The following GDPD1 variants were observed in gnomAD, a reference collection of about 807,000 sequenced individuals.
GDPD1 encodes glycerophosphodiester phosphodiesterase domain containing 1.
Under a neutral mutation model 45.1 loss-of-function variants are expected in GDPD1, and 28 were observed. The ratio of observed to expected loss-of-function variants is 0.62; its 90% confidence interval spans 0.46 to 0.85. The LOEUF (loss-of-function observed/expected upper bound fraction) is 0.85, where lower values mean the gene tolerates loss of function less well. Ranked by LOEUF, GDPD1 falls within the 40% of genes least tolerant of loss-of-function variation. The pLI is 0.00. For synonymous variants in GDPD1, 139 were observed against 131.4 expected (o/e 1.06, Z -0.40); for missense variants, 256 against 364.8 (o/e 0.70, Z 2.43).
intron 1 of GDPD1, among the ~76,000 whole-genome samples, chr17:59,230,036 AG>A (rs2047077038): frequency 6.6e-6 from 1 of 152,196 alleles, no homozygotes; most frequent in South Asian, 2.1e-4. Context: ...AAAGGACCAC[AG>A]ATACCCCTAT....
At chr17:59,255,826 T>TAC (rs1259604908) in intron 4 of GDPD1, among the ~76,000 whole-genome samples, 1 of 66,178 alleles carries the variant, frequency 1.5e-5, no homozygotes, top group African/African-American at 1.0e-4. Flanking sequence ...TATATATATA[T>TAC]ACGCGTATAT....
chr17:59,236,094 A>G (rs60921221), intron 2 of GDPD1, among the ~76,000 whole-genome samples: 3,984 of 152,220 alleles, frequency 0.026, 195 homozygotes, highest in African/African-American at 0.089. Context: ...TGCTTAAGGT[A>G]CATTATTTTA....
Position 59,267,185 on chromosome 17 carries a change from A to T in GDPD1, c.710+11A>T. Reference sequence around the variant, plus strand: ...TTCTATTATACTGAAGTAAGTGGTTACCCTTTTATTTTAAAATCAATTATC... The same window carrying T: ...TTCTATTATACTGAAGTAAGTGGTTTCCCTTTTATTTTAAAATCAATTATC... On this transcript the variant is annotated intron_variant, in intron 7 of 9. Coordinates refer to ENST00000284116, the MANE Select transcript of GDPD1 (RefSeq NM_182569.4). 6.2e-7 allele frequency: 1 copy of T among 1,603,038 alleles called. No homozygotes were observed.
At chr17:59,265,901 CAAAAA>C (rs60404339) in intron 6 of GDPD1, among the ~76,000 whole-genome samples, 1 of 80,376 alleles carries the variant, frequency 1.2e-5, no homozygotes, top group Admixed American at 1.4e-4. Flanking sequence ...GACCTTATCT[CAAAAA>C]AAAAAAAAAA....
chr17:59,226,420 A>G (rs2047047753), intron 1 of GDPD1, among the ~76,000 whole-genome samples: 1 of 151,998 alleles, frequency 6.6e-6, no homozygotes, highest in South Asian at 2.1e-4. Flanking sequence ...AACCAAGTGA[A>G]CCTAAAATCA....
chr17:59,226,114 CTT>C (rs1286198844), intron 1 of GDPD1, among the ~76,000 whole-genome samples: 4 of 152,292 alleles, frequency 2.6e-5, no homozygotes, highest in South Asian at 4.1e-4. Context: ...GTGAGAGGTC[CTT>C]CAAGCTGGCT....
At chr17:59,264,145 C>T (rs749303688) in intron 6 of GDPD1, among the ~76,000 whole-genome samples, 3 of 151,874 alleles carry the variant, frequency 2.0e-5, no homozygotes, top group Non-Finnish European at 2.9e-5. Flanking sequence ...ATTACAGGCA[C>T]ACGTCACCAT....
Position 59,222,505 on chromosome 17 carries a change from CTTTTTT to C in GDPD1, c.142+1775_142+1780del, listed in dbSNP as rs149536097. 1.3e-3 allele frequency among the ~76,000 whole-genome samples: 56 copies of C among 41,734 alleles called. 1 individual carries two copies. Among genetic ancestry groups the C allele is most frequent in the Non-Finnish European group, 2.0e-3 (43 of 21,762 alleles). 27.4% of individuals were successfully genotyped at this position (41,734 alleles called of 152,430 possible). On this transcript the variant is annotated intron_variant, in intron 1 of 9. Coordinates refer to ENST00000284116, the MANE Select transcript of GDPD1 (RefSeq NM_182569.4). ...ACAGGCGTGAGCCACAGTGCCCAGC[CTTTTTT>C]TTTTTTTTTTTTTTTTTTTTGAGAC...
chr17:59,253,152 T>C (rs1477393596), intron 4 of GDPD1, among the ~76,000 whole-genome samples: 1 of 152,094 alleles, frequency 6.6e-6, no homozygotes, highest in Non-Finnish European at 1.5e-5. Flanking sequence ...ATTTAAATAG[T>C]GGCCCCTAAC....
chr17:59,270,735 A>AT (rs528478602), intron 7 of GDPD1, among the ~76,000 whole-genome samples: 148 of 152,146 alleles, frequency 9.7e-4, no homozygotes, highest in African/African-American at 3.4e-3. Flanking sequence ...TTACTTTTGA[A>AT]TAGGGATGGC....
intron 6 of GDPD1, among the ~76,000 whole-genome samples, chr17:59,262,730 C>T (rs1242708943): frequency 2.7e-5 from 4 of 150,898 alleles, no homozygotes; most frequent in African/African-American, 4.9e-5. Context: ...CGGGTTCAAG[C>T]GATTTTCCCG....
chr17:59,261,981 G>A (rs923689090), intron 6 of GDPD1, among the ~76,000 whole-genome samples: 2 of 139,234 alleles, frequency 1.4e-5, no homozygotes, highest in African/African-American at 2.8e-5. Context: ...GCAGTGGCGG[G>A]ATCTCGGCTC....
chr17:59,259,135 A>T (rs958520109), intron 6 of GDPD1, among the ~76,000 whole-genome samples: 5 of 142,702 alleles, frequency 3.5e-5, no homozygotes, highest in Non-Finnish European at 7.7e-5. Flanking sequence ...TAACTCTATT[A>T]AAAAAAAAAA....
intron 6 of GDPD1, among the ~76,000 whole-genome samples, chr17:59,262,775 C>G (rs2047367778): frequency 6.6e-6 from 1 of 151,854 alleles, no homozygotes; most frequent in African/African-American, 2.4e-5. Flanking sequence ...TTACAGGCGC[C>G]CGCCACTAAG....
chr17:59,260,466 CA>C (rs2047347151), intron 6 of GDPD1, among the ~76,000 whole-genome samples: 1 of 151,612 alleles, frequency 6.6e-6, no homozygotes, highest in African/African-American at 2.4e-5. Context: ...GGCTTGAACC[CA>C]GGAGGCAGAG....
chr17:59,243,806 A>G (rs2047192185), intron 2 of GDPD1, among the ~76,000 whole-genome samples: 1 of 152,250 alleles, frequency 6.6e-6, no homozygotes, highest in South Asian at 2.1e-4. Context: ...GTTGGAATTA[A>G]TTAAAATTTA....
intron 4 of GDPD1, among the ~76,000 whole-genome samples, chr17:59,256,669 A>G (rs2047311723): frequency 6.6e-6 from 1 of 152,196 alleles, no homozygotes. Context: ...GGTGGATTGT[A>G]TCAATGTCAG....
intron 2 of GDPD1, among the ~76,000 whole-genome samples, chr17:59,240,760 C>G (rs867641695): frequency 2.0e-5 from 3 of 152,098 alleles, no homozygotes; most frequent in African/African-American, 7.2e-5. Context: ...CATGAGCCAC[C>G]GTGCCAGGTC....
intron 8 of GDPD1, among the ~76,000 whole-genome samples, chr17:59,272,076 AT>A (rs959683095): frequency 1.3e-5 from 2 of 151,562 alleles, no homozygotes; most frequent in Non-Finnish European, 2.9e-5. Context: ...ACCAGGATGC[AT>A]TTTTTTTCTT....
Sources: allele counts gnomAD v4.1 joint callset (sites outside exome capture counted in the v4.1 genomes callset), GRCh38; gene constraint gnomAD v4.1.1; transcripts MANE v1.5; gene names NCBI Gene and HGNC (gene_info 2026-07-23, HGNC 2026-07-21).